Variants in MAP3K4 observed in about 807,000 individuals in gnomAD.
The protein encoded by MAP3K4 is mitogen-activated protein kinase kinase kinase 4.
MAP3K4 carries 67 observed loss-of-function variants against 185.6 expected under a neutral mutation model. The ratio of observed to expected loss-of-function variants is 0.36; its 90% CI spans 0.30 to 0.44. The LOEUF is 0.44. MAP3K4 is among the 20% of genes least tolerant of loss of function. MAP3K4 has a pLI of 1.00. For missense variants in MAP3K4, 1,551 were observed against 1,995.1 expected, an observed-to-expected ratio of 0.78 and a Z score of 4.24; for synonymous variants, 702 against 710.4, an observed-to-expected ratio of 0.99 and a Z score of 0.19.
In MAP3K4 at chr6:161,043,277, C is replaced by G. The variant is rs977826071; in HGVS notation, c.344-5339C>G. Among the ~76,000 whole-genome samples the G allele has an allele frequency of 1.3e-5, 2 of 152,164 alleles. No individual in the cohort carries two copies. Among genetic ancestry groups the G allele is most frequent in the African/African-American group, 4.8e-5 (2 of 41,430 alleles). ...CAGCCACACTCTTTTCTTTGCTGCC[C>G]TTGTGTCTCTTCTTTGCTGGCTTCA... On this transcript the variant is annotated intron_variant, in intron 2 of 26. Transcript: ENST00000392142. The surrounding 1 kb of genome is among the most constrained non-coding windows in gnomAD (Gnocchi z 4.3).
rs3050252 is a variant in MAP3K4, at chr6:161,107,050, G to GCACACA, written c.4048+369_4048+374dup. ...TCTCTCTCTCTCTACACACGCGCGC[G>GCACACA]CACACACACACACACACACACACAC... On this transcript the variant is annotated intron_variant, in intron 20 of 26. Coordinates refer to ENST00000392142, the MANE Select transcript of MAP3K4 (RefSeq NM_005922.4). The surrounding 1 kb of genome is among the most constrained non-coding windows in gnomAD (Gnocchi z 6.2). Among the ~76,000 whole-genome samples, 177 of 105,248 alleles carry GCACACA rather than the reference G, an allele frequency of 1.7e-3. No individual in the cohort carries two copies. The highest frequency in any genetic ancestry group is 5.4e-3 in the Middle Eastern group (1 of 186). The allele number at this position is 105,248 out of a possible 152,430, so 69.0% of individuals were successfully genotyped here.
At chr6:161,009,933 T>C (rs1583103059) in intron 1 of MAP3K4, among the ~76,000 whole-genome samples, 2 of 152,134 alleles carry the variant, frequency 1.3e-5, no homozygotes, top group African/African-American at 4.8e-5. Flanking sequence ...ACCTAGGTGA[T>C]GGATTGATAG....
rs1382680653 is a variant in MAP3K4 at position 161,056,505 on chromosome 6, A to T, written c.1707+6526A>T. Among the ~76,000 whole-genome samples, 2 of 152,202 alleles carry T rather than the reference A, an allele frequency of 1.3e-5. No homozygotes were observed. Among genetic ancestry groups the T allele is most frequent in the Non-Finnish European group, 2.9e-5 (2 of 68,042 alleles). On this transcript the variant is annotated intron_variant, in intron 3 of 26. Coordinates refer to ENST00000392142, the MANE Select transcript of MAP3K4 (RefSeq NM_005922.4). The surrounding 1 kb of genome is among the most constrained non-coding windows in gnomAD (Gnocchi z 5.4). ...CTGATTCAGCACAAGGTTCATTCCGACTTTCCTCCCTTGCTTATCTGTAAC... is the reference window on the plus strand; with the variant it reads ...CTGATTCAGCACAAGGTTCATTCCGTCTTTCCTCCCTTGCTTATCTGTAAC...
At chr6:161,050,057 G>A (rs1783931821) in intron 3 of MAP3K4, 78 bp downstream of exon 3, 1 of 1,376,224 alleles carries the variant, frequency 7.3e-7, no homozygotes, top group East Asian at 2.3e-5. Flanking sequence ...TTGGTGTTAT[G>A]TACTTTCATA....
At chr6:161,065,184 T>C (rs1451171091) in intron 3 of MAP3K4, among the ~76,000 whole-genome samples, 1 of 152,170 alleles carries the variant, frequency 6.6e-6, no homozygotes, top group Non-Finnish European at 1.5e-5. Flanking sequence ...CTGCACCCTG[T>C]GTCAAGGGTG....
At position 161,073,582 on chromosome 6, in the gene MAP3K4, T is replaced by G; in HGVS notation, c.2067T>G (p.Ala689=). 1 of 1,613,992 alleles carries G rather than the reference T, an allele frequency of 6.2e-7. No homozygotes were observed. The highest frequency in any genetic ancestry group is 1.3e-5 in the African/African-American group (1 of 75,038). The change falls in exon 5 of 27, where the codon GCT becomes GCG. Residue 689 remains alanine (A), a synonymous_variant. Coordinates refer to ENST00000392142, the MANE Select transcript of MAP3K4 (RefSeq NM_005922.4). This position sits in a 1 kb window ranked among gnomAD's most constrained non-coding sequence, Gnocchi z 4.2. ...AGAAGCCCGACTGCAACATTGACGC[T>G]TTTGAAGAGGATCTACATAAAATGC... ...DLEKPDCNID[A]FEEDLHKMLM... is the part of the protein sequence containing the mutation.
chr6:161,031,554 G>A (rs1002334747), intron 1 of MAP3K4, among the ~76,000 whole-genome samples: 2 of 152,004 alleles, frequency 1.3e-5, no homozygotes, highest in South Asian at 2.1e-4. Context: ...TCCTCAGGTC[G>A]GGGGGCTTGA....
intron 1 of MAP3K4, among the ~76,000 whole-genome samples, chr6:161,010,609 A>G (rs979646140): frequency 2.0e-5 from 3 of 152,222 alleles, no homozygotes; most frequent in Non-Finnish European, 4.4e-5. Context: ...TAATCGGAGC[A>G]GATAAGCTTG....
chr6:161,041,908 G>GTTTTTTT (rs1783473007), intron 2 of MAP3K4, among the ~76,000 whole-genome samples: 1 of 94,396 alleles, frequency 1.1e-5, no homozygotes, highest in African/African-American at 4.3e-5. Context: ...TTGAGTTATT[G>GTTTTTTT]TTTCTTTTTT....
intron 1 of MAP3K4, among the ~76,000 whole-genome samples, chr6:161,003,884 A>T (rs114481892): frequency 0.022 from 3,296 of 152,068 alleles, 130 homozygotes; most frequent in African/African-American, 0.076. Flanking sequence ...TATTTTCAAG[A>T]AAGAGTGGCT....
intron 2 of MAP3K4, among the ~76,000 whole-genome samples, chr6:161,035,993 C>CT (rs981838804): frequency 2.0e-5 from 3 of 152,142 alleles, no homozygotes; most frequent in African/African-American, 7.2e-5. Flanking sequence ...TCCTGGTACT[C>CT]TATTTGGACT....
At chr6:161,011,648 C>T (rs1442972450) in intron 1 of MAP3K4, among the ~76,000 whole-genome samples, 1 of 152,102 alleles carries the variant, frequency 6.6e-6, no homozygotes, top group African/African-American at 2.4e-5. Flanking sequence ...GCAAAAGAAG[C>T]CCTTAGAGGT....
rs1785527962 is a variant in MAP3K4 at position 161,082,962 on chromosome 6, A to G, written c.2256-1539A>G. On this transcript the variant is annotated intron_variant, in intron 6 of 26. Transcript: ENST00000392142. The surrounding 1 kb of genome is among the most constrained non-coding windows in gnomAD (Gnocchi z 4.2). ...TCAGGAAACGTAAGACTGCCTAACA[A>G]TGGCCCGCAAGGCCTGACATGGTCC... Among the ~76,000 whole-genome samples the G allele has an allele frequency of 6.6e-6, 1 of 152,192 alleles. No individual in the cohort carries two copies.
intron 1 of MAP3K4, among the ~76,000 whole-genome samples, chr6:161,031,833 G>A (rs747094913): frequency 3.9e-5 from 6 of 152,228 alleles, no homozygotes; most frequent in Non-Finnish European, 8.8e-5. Flanking sequence ...AATAATGGAT[G>A]CTTCACCCAC....
chr6:161,026,733 CTTTTTTTTTTT>C (rs553664182), intron 1 of MAP3K4, among the ~76,000 whole-genome samples: 7 of 96,102 alleles, frequency 7.3e-5, no homozygotes, highest in African/African-American at 2.7e-4. Flanking sequence ...GTTCTCTCTC[CTTTTTTTTTTT>C]TTTTTTTTTT....
rs568424005 is a variant in MAP3K4, at chr6:161,062,096, AT to A, written c.1708-8509del. 1.3e-3 allele frequency among the ~76,000 whole-genome samples: 199 copies of A among 152,170 alleles called. 2 individuals carry two copies. Among genetic ancestry groups the A allele is most frequent in the African/African-American group, 4.6e-3 (189 of 41,526 alleles). On this transcript the variant is annotated intron_variant, in intron 3 of 26. Coordinates refer to ENST00000392142, the MANE Select transcript of MAP3K4 (RefSeq NM_005922.4). ...TACTTTTAATGTTTAAGATGAGTTT[AT>A]TTCCCCCAAGATGTCTTTGTATTAA...
Position 161,087,963 on chromosome 6 carries a change from C to A in MAP3K4, c.2823+9C>A. 2 of 1,603,472 alleles carry A rather than the reference C, an allele frequency of 1.2e-6. No homozygotes were observed. The highest frequency in any genetic ancestry group is 2.3e-5 in the South Asian group (2 of 88,698). On this transcript the variant is annotated intron_variant, in intron 10 of 26. Coordinates refer to ENST00000392142, the MANE Select transcript of MAP3K4 (RefSeq NM_005922.4). The surrounding 1 kb of genome is among the most constrained non-coding windows in gnomAD (Gnocchi z 4.9). ...CCCTGAGAAGCATGCAGGTACAGCT[C>A]ATCTCCATCTTTGCAGCAGTGTTAC...
chr6:161,065,937 C>CA (rs34648628), intron 3 of MAP3K4, among the ~76,000 whole-genome samples: 44,190 of 78,634 alleles, frequency 0.56, 12,744 homozygotes, highest in Middle Eastern at 0.66. Flanking sequence ...GACTCCGTCT[C>CA]AAAAAAAAAA....
chr6:161,116,959 C>T lies in MAP3K4; in HGVS notation c.*89C>T. ...AGACTGTGCTGAGAAGCAGTATAAGCCTTTTTAACCTTCCAAGACTGAAGA... is the reference window on the plus strand; with the variant it reads ...AGACTGTGCTGAGAAGCAGTATAAGTCTTTTTAACCTTCCAAGACTGAAGA... On this transcript the variant is annotated 3_prime_UTR_variant, in exon 27 of 27. Transcript: ENST00000392142. The surrounding 1 kb of genome is among the most constrained non-coding windows in gnomAD (Gnocchi z 6.2). The T allele has an allele frequency of 8.1e-7, 1 of 1,227,292 alleles. No homozygotes were observed. Among genetic ancestry groups the T allele is most frequent in the South Asian group, 1.2e-5 (1 of 80,932 alleles). The allele number at this position is 1,227,292 out of a possible 1,614,324, so 76.0% of individuals were successfully genotyped here.
Sources: gnomAD v4.1 joint callset for allele counts (sites outside exome capture counted in the v4.1 genomes callset) on GRCh38, gnomAD v4.1.1 for gene constraint, Gnocchi (gnomAD v3.1) non-coding constraint, MANE v1.5 for transcripts, NCBI Gene and HGNC (gene_info 2026-07-23, HGNC 2026-07-21) for gene names.